Variants in TPP1 observed in about 807,000 individuals in gnomAD.
The protein encoded by TPP1 is tripeptidyl peptidase 1.
Under a neutral mutation model 67.6 loss-of-function variants are expected in TPP1, and 43 were observed. The ratio of observed to expected loss-of-function variants is 0.64; its 90% CI spans 0.50 to 0.82. TPP1 has a LOEUF of 0.82. Among genes scored for constraint, TPP1 ranks in the 40% least tolerant of loss-of-function variants. The probability of loss-of-function intolerance (pLI) is 0.00; values close to 1 mark genes in which losing one functional copy is unlikely to be tolerated. For synonymous variants in TPP1, 272 were observed against 281.5 expected, an observed-to-expected ratio of 0.97 and a Z score of 0.34; for missense variants, 671 against 710.9, an observed-to-expected ratio of 0.94 and a Z score of 0.64.
In TPP1 at chr11:6,616,386, G is replaced by T; in HGVS notation, c.1004C>A (p.Ala335Asp). 3.1e-6 allele frequency: 5 copies of T among 1,613,992 alleles called. No individual in the cohort carries two copies. The highest frequency in any genetic ancestry group is 4.2e-6 in the Non-Finnish European group (5 of 1,180,032). ...CTCAGTGTTGACCCGCTGGATGTAG[G>T]CGCTGCTGAGGGAGTCCTCATCATC... ...YGDDEDSLSS[A>D]YIQRVNTELM... The change falls in exon 8 of 13, where the codon GCC becomes GAC. Residue 335 changes from alanine (A) to aspartate (D), a missense_variant. Physicochemically the swap from Ala to Asp is moderately radical, Grantham distance 126. Transcript: ENST00000299427.
chr11:6,616,522 T>C lies in TPP1; in HGVS notation c.887-19A>G. 6.4e-7 allele frequency: 1 copy of C among 1,572,240 alleles called. No individual in the cohort carries two copies. Among genetic ancestry groups the C allele is most frequent in the Non-Finnish European group, 8.6e-7 (1 of 1,163,848 alleles). ...TGCCGGCCTGGATTTTTTTTTTTTT[T>C]TTTTTTGAGGGATGGGCACAAAGAT... On this transcript the variant is annotated intron_variant, in intron 7 of 12. Transcript: ENST00000299427.
chr11:6,614,475 C>A lies in TPP1; in HGVS notation c.*71G>T. The A allele has an allele frequency of 6.2e-7, 1 of 1,605,964 alleles. No homozygotes were observed. The highest frequency in any genetic ancestry group is 8.5e-7 in the Non-Finnish European group (1 of 1,173,498). ...GTTGAGGGTTCAGCAGGGCTTCCAA[C>A]AGGGCAGAATAAGGGACTGAACTGC... On this transcript the variant is annotated 3_prime_UTR_variant, in exon 13 of 13. Coordinates refer to ENST00000299427, the MANE Select transcript of TPP1 (RefSeq NM_000391.4).
chr11:6,618,753 C>G (rs755940542), intron 3 of TPP1, 23 bp downstream of exon 3: 1 of 1,613,062 alleles, frequency 6.2e-7, no homozygotes, highest in Non-Finnish European at 8.5e-7. Context: ...ATCCCACATC[C>G]TGTCCTCAGT....
chr11:6,614,636 C>T lies in TPP1; in HGVS notation c.1602G>A (p.Gln534=). The T allele has an allele frequency of 6.2e-7, 1 of 1,614,158 alleles. No homozygotes were observed. Among genetic ancestry groups the T allele is most frequent in the Non-Finnish European group, 8.5e-7 (1 of 1,180,000 alleles). ...ESCLDEEVEG[Q]GFCSGPGWDP... ...CCCAGCCAGGACCAGAGCAGAAACC[C>T]TGGCCCTCTACCTCTTCATCCAGAC... The change falls in exon 13 of 13, where the codon CAG becomes CAA. Residue 534 remains glutamine (Q), a synonymous_variant. Transcript: ENST00000299427.
intron 3 of TPP1, 27 bp from the exon 4 acceptor site, chr11:6,617,803 C>G: frequency 1.9e-6 from 3 of 1,614,016 alleles, no homozygotes; most frequent in Middle Eastern, 1.6e-4. Flanking sequence ...GAGGCACTTG[C>G]CCTCATTCAT....
chr11:6,618,302 T>G, intron 3 of TPP1: 1 of 331,132 alleles, frequency 3.0e-6, no homozygotes. Context: ...AACCAATCCA[T>G]TTTGACTGTT....
rs796053438 is a variant in TPP1 at position 6,617,142 on chromosome 11, G to A, written c.520C>T (p.His174Tyr). 2 of 1,614,092 alleles carry A rather than the reference G, an allele frequency of 1.2e-6. No homozygotes were observed. The highest frequency in any genetic ancestry group is 1.7e-6 in the Non-Finnish European group (2 of 1,179,988). Residue 174 changes from histidine to tyrosine, a missense_variant, in exon 6 of 13, where the codon CAC becomes TAC. By Grantham distance (83) the His-to-Tyr change is moderately conservative (BLOSUM62 2). Transcript: ENST00000299427. ...AGGGATGATGTTGGGGGAAAACGGT[G>A]CAGTCCCCCCACTGTAGGGAGAAGT... The part of the protein sequence containing the change: ...APHVDFVGGL[H>Y]RFPPTSSLRQ...
rs1041294704 is a variant in TPP1, at chr11:6,613,190, C to G, written c.*1356G>C. The G allele has an allele frequency of 1.3e-5, 2 of 152,170 alleles. No homozygotes were observed. Among genetic ancestry groups the G allele is most frequent in the South Asian group, 2.1e-4 (1 of 4,828 alleles). The allele number at this position is 152,170 out of a possible 1,614,324, so 9.4% of individuals were successfully genotyped here. On this transcript the variant is annotated 3_prime_UTR_variant, in exon 13 of 13. Transcript: ENST00000299427. ...TTTGTTTAGAAAATCTAGGATTTTT[C>G]AGCCATACCAAAATAAAGTAGCCTC...
rs1242466171 is a variant in TPP1, at chr11:6,619,410, C to T, written c.-10G>A. 1.2e-5 allele frequency: 20 copies of T among 1,614,114 alleles called. No homozygotes were observed. Among genetic ancestry groups the T allele is most frequent in the Non-Finnish European group, 1.6e-5 (19 of 1,180,040 alleles). On this transcript the variant is annotated 5_prime_UTR_variant, in exon 1 of 13. Coordinates refer to ENST00000299427, the MANE Select transcript of TPP1 (RefSeq NM_000391.4). Reference sequence around the variant, plus strand: ...AGGCTTGGAGTCCCATTCTGCCCTTCCGCGGATCTGCTGTCATGTGACGGA... The same window carrying T: ...AGGCTTGGAGTCCCATTCTGCCCTTTCGCGGATCTGCTGTCATGTGACGGA...
At chr11:6,614,838 C>T (rs374207532) in intron 12 of TPP1, 28 bp downstream of exon 12, 48 of 1,613,890 alleles carry the variant, frequency 3.0e-5, no homozygotes, top group Middle Eastern at 1.6e-4. Context: ...TGTTTGAAAA[C>T]GTCCACACCC....
rs1554901576 is a variant in TPP1 at position 6,615,227 on chromosome 11, CAG to C, written c.1367_1368del (p.Ser456Ter). The part of the protein sequence containing the change: ...GRAYPDVAAL[S>X]DGYWVVSNRV... ...CTGTTGCTGACCACCCAGTAGCCAT[CAG>C]AAAGTGCAGCCACATCTGGGTAGGC... On this transcript the variant is annotated frameshift_variant, in exon 11 of 13. Coordinates refer to ENST00000299427, the MANE Select transcript of TPP1 (RefSeq NM_000391.4). LOFTEE classifies it high-confidence loss of function. 6.2e-7 allele frequency: 1 copy of C among 1,614,216 alleles called. No individual in the cohort carries two copies. The highest frequency in any genetic ancestry group is 8.5e-7 in the Non-Finnish European group (1 of 1,180,042).
At chr11:6,618,625 G>A (rs1345273622) in intron 3 of TPP1, 151 bp downstream of exon 3, 5 of 1,062,026 alleles carry the variant, frequency 4.7e-6, no homozygotes, top group Non-Finnish European at 5.5e-6. Context: ...TGATCATAAA[G>A]CCTGTATACT....
rs769487055 is a variant in TPP1, at chr11:6,615,317, T to A, written c.1279A>T (p.Thr427Ser). 6.2e-7 allele frequency: 1 copy of A among 1,614,178 alleles called. No homozygotes were observed. Among genetic ancestry groups the A allele is most frequent in the Non-Finnish European group, 8.5e-7 (1 of 1,180,036 alleles). The change falls in exon 11 of 13, where the codon ACG (threonine) becomes TCG (serine). Residue 427 changes from threonine (T) to serine (S), a missense_variant. Physicochemically the swap from Thr to Ser is moderately conservative, Grantham distance 58 (BLOSUM62 1). Coordinates refer to ENST00000299427, the MANE Select transcript of TPP1 (RefSeq NM_000391.4). ...TGGGGGCTAGAGCTCAGGAACTTCG[T>A]TACAGCTTCCTCCTGAAAGGCATTT... is the stretch of plus-strand genomic sequence containing the variant. ...PRPSYQEEAV[T>S]KFLSSSPHLP...
rs762621276 is a variant in TPP1 at position 6,614,579 on chromosome 11, G to C, written c.1659C>G (p.Phe553Leu). 2 of 1,614,112 alleles carry C rather than the reference G, an allele frequency of 1.2e-6. No homozygotes were observed. Among genetic ancestry groups the C allele is most frequent in the East Asian group, 4.5e-5 (2 of 44,860 alleles). Reference protein sequence around the residue: ...DPVTGWGTPNFPALLKTLLNP With the variant: ...DPVTGWGTPNLPALLKTLLNP ...TGAGTAGAGTCTTCAGCAAAGCTGG[G>C]AAGTTGGGTGTTCCCCAGCCTGTTA... Residue 553 changes from phenylalanine to leucine, a missense_variant, in exon 13 of 13, where the codon TTC becomes TTG. Transcript: ENST00000299427.
At chr11:6,618,238 G>A in intron 3 of TPP1, 1 of 329,922 alleles carries the variant, frequency 3.0e-6, no homozygotes, top group Non-Finnish European at 5.8e-6. Flanking sequence ...CCCAGCCTCT[G>A]CAGTTCACAA....
At chr11:6,619,110 C>G in intron 2 of TPP1, 86 bp downstream of exon 2, 2 of 1,552,282 alleles carry the variant, frequency 1.3e-6, no homozygotes, top group Non-Finnish European at 1.8e-6. Flanking sequence ...TAGGAGCTGG[C>G]ACGGGGGTGA....
chr11:6,617,619 C>T lies in TPP1; in HGVS notation c.380+7G>A. The T allele has an allele frequency of 6.2e-7, 1 of 1,614,162 alleles. No homozygotes were observed. Among genetic ancestry groups the T allele is most frequent in the African/African-American group, 1.3e-5 (1 of 75,046 alleles). ...GTGCCCTCCATGGAGCAATCATTTC[C>T]TCTCACCGGATGCTCAGCCAGCAAG... On this transcript the variant is annotated splice_region_variant and intron_variant, in intron 4 of 12. Coordinates refer to ENST00000299427, the MANE Select transcript of TPP1 (RefSeq NM_000391.4).
chr11:6,618,798 C>T lies in TPP1; in HGVS notation c.207G>A (p.Ser69=), dbSNP rs761070664. 24 of 1,613,858 alleles carry T rather than the reference C, an allele frequency of 1.5e-5. No homozygotes were observed. The highest frequency in any genetic ancestry group is 3.3e-5 in the South Asian group (3 of 91,094). ...ERLSELVQAV[S]DPSSPQYGKY... ...CACCGTATTGAGGAGAGCTGGGATC[C>T]GACACAGCCTGCACCAGCTCCGAGA... The change falls in exon 3 of 13, where the codon TCG becomes TCA. Residue 69 remains serine, a synonymous_variant. Transcript: ENST00000299427.
In TPP1 at chr11:6,616,474, G is replaced by A. The variant is rs1167533501; in HGVS notation, c.916C>T (p.Gln306Ter). ...TCATTACTGAGCAGCATGAGCCACT[G>A]CAGGAAGGGCTCCTGTCCCTCATGC... ...GRHEGQEPFL[Q>*]WLMLLSNESA... Residue 306 changes from glutamine (Q) to a stop codon, truncating the protein, a stop_gained, in exon 8 of 13, where the codon CAG becomes TAG. Transcript: ENST00000299427. LOFTEE classifies it high-confidence loss of function. 1 of 1,610,026 alleles carries A rather than the reference G, an allele frequency of 6.2e-7. No individual in the cohort carries two copies.
Sources: allele counts gnomAD v4.1 joint callset, GRCh38; gene constraint gnomAD v4.1.1; transcripts MANE v1.5; gene names NCBI Gene and HGNC (gene_info 2026-07-23, HGNC 2026-07-21).